Variants in LAMA2 observed in about 807,000 individuals in gnomAD.
The protein encoded by LAMA2 is laminin subunit alpha 2.
A neutral mutation model predicts 364.8 loss-of-function variants in LAMA2; 269 were observed. The observed-to-expected ratio is 0.74, with a 90% CI of 0.67 to 0.82. LAMA2 has a LOEUF of 0.82. Among genes scored for constraint, LAMA2 ranks in the 40% least tolerant of loss-of-function variants. LAMA2 has a pLI of 0.00. For synonymous variants in LAMA2, 1,379 were observed against 1,370.6 expected, an observed-to-expected ratio of 1.01 and a Z score of -0.14; for missense variants, 3,807 against 3,873.2, an observed-to-expected ratio of 0.98 and a Z score of 0.45.
intron 1 of LAMA2, among the ~76,000 whole-genome samples, chr6:128,944,215 A>C (rs1780353821): frequency 6.6e-6 from 1 of 152,188 alleles, no homozygotes; most frequent in African/African-American, 2.4e-5. Flanking sequence ...GGATGCTGAC[A>C]ATGCACAGTT....
chr6:129,193,777 C>T (rs1386755237), intron 12 of LAMA2, among the ~76,000 whole-genome samples: 1 of 151,970 alleles, frequency 6.6e-6, no homozygotes, highest in Non-Finnish European at 1.5e-5. Flanking sequence ...ATTGATTAAG[C>T]AAATAAAAGT....
intron 3 of LAMA2, among the ~76,000 whole-genome samples, chr6:129,073,421 A>G (rs1212735707): frequency 6.6e-6 from 1 of 152,154 alleles, no homozygotes; most frequent in Non-Finnish European, 1.5e-5. Flanking sequence ...TCTTTCACCA[A>G]TTTGGTAAAA....
chr6:129,473,294 G>T lies in LAMA2; in HGVS notation c.7381G>T (p.Asp2461Tyr), dbSNP rs1783906094. The change falls in exon 52 of 65, where the codon GAC (aspartate) becomes TAC (tyrosine). Residue 2461 changes from aspartate (D) to tyrosine (Y), a missense_variant. Coordinates refer to ENST00000421865, the MANE Select transcript of LAMA2 (RefSeq NM_000426.4). Reference protein sequence around the residue: ...TSSSGNNFGLDLKADDKIYFG... With the variant: ...TSSSGNNFGLYLKADDKIYFG... ...GTCTTCTGGAAACAACTTTGGTCTT[G>T]ACTTGAAAGCAGATGACAAAATATA... The T allele has an allele frequency of 1.9e-6, 3 of 1,612,574 alleles. No individual in the cohort carries two copies. The highest frequency in any genetic ancestry group is 2.5e-6 in the Non-Finnish European group (3 of 1,179,030).
intron 4 of LAMA2, among the ~76,000 whole-genome samples, chr6:129,105,206 G>C (rs985090151): frequency 6.6e-6 from 1 of 152,108 alleles, no homozygotes; most frequent in Non-Finnish European, 1.5e-5. Flanking sequence ...CCATTACTTT[G>C]AGGCCAACCA....
chr6:129,219,233 C>T (rs201369484), intron 12 of LAMA2, among the ~76,000 whole-genome samples: 1 of 152,072 alleles, frequency 6.6e-6, no homozygotes, highest in Non-Finnish European at 1.5e-5. Context: ...AAAATGCTCA[C>T]CATCACTGGC....
intron 40 of LAMA2, among the ~76,000 whole-genome samples, chr6:129,423,529 C>T (rs1472098439): frequency 1.3e-5 from 2 of 148,310 alleles, no homozygotes; most frequent in Admixed American, 1.3e-4. Context: ...TCTCTACAAC[C>T]AAAAAAAAAG....
chr6:128,936,914 C>T (rs1562849023), intron 1 of LAMA2, among the ~76,000 whole-genome samples: 1 of 152,062 alleles, frequency 6.6e-6, no homozygotes, highest in African/African-American at 2.4e-5. Flanking sequence ...ATGCCAGGTG[C>T]ATATGATATC....
intron 12 of LAMA2, among the ~76,000 whole-genome samples, chr6:129,228,944 T>C (rs1036025925): frequency 6.6e-6 from 1 of 152,220 alleles, no homozygotes. Flanking sequence ...ATGCTCCTCT[T>C]ATGTATTCAT....
intron 1 of LAMA2, among the ~76,000 whole-genome samples, chr6:129,021,330 A>G (rs1785437779): frequency 6.6e-6 from 1 of 152,206 alleles, no homozygotes; most frequent in Admixed American, 6.5e-5. Flanking sequence ...TTTTCTTTAT[A>G]CAAAAGTTAA....
chr6:129,178,338 C>T (rs1780736418), intron 10 of LAMA2, among the ~76,000 whole-genome samples: 1 of 152,096 alleles, frequency 6.6e-6, no homozygotes, highest in Non-Finnish European at 1.5e-5. Flanking sequence ...TAAAAAAGTA[C>T]AAAGCCCTAA....
intron 1 of LAMA2, among the ~76,000 whole-genome samples, chr6:129,023,376 A>G (rs1363510804): frequency 6.6e-6 from 1 of 152,126 alleles, no homozygotes; most frequent in East Asian, 1.9e-4. Flanking sequence ...TGTAATCCTT[A>G]CATACCAATG....
At chr6:129,326,801 A>C (rs1266772963) in intron 28 of LAMA2, among the ~76,000 whole-genome samples, 1 of 145,542 alleles carries the variant, frequency 6.9e-6, no homozygotes, top group Non-Finnish European at 1.5e-5. Flanking sequence ...TATAATTAAT[A>C]TATATATTCA....
Position 129,503,261 on chromosome 6 carries a change from A to C in LAMA2, c.8528A>C (p.Asn2843Thr). Residue 2843 changes from asparagine (N) to threonine (T), a missense_variant, in exon 60 of 65, where the codon AAT (asparagine) becomes ACT (threonine). Physicochemically the swap from Asn to Thr is moderately conservative, Grantham distance 65. Transcript: ENST00000421865. ...DTHTMIPTKI[N>T]DGQWHKIKIM... ...CACACCATGATCCCCACCAAAATCA[A>C]TGATGGCCAGTGGCACAAGGTAATA... 1 of 1,613,946 alleles carries C rather than the reference A, an allele frequency of 6.2e-7. No homozygotes were observed. The highest frequency in any genetic ancestry group is 8.5e-7 in the Non-Finnish European group (1 of 1,179,982).
intron 1 of LAMA2, among the ~76,000 whole-genome samples, chr6:129,020,521 G>C (rs1785387111): frequency 6.6e-6 from 1 of 152,156 alleles, no homozygotes; most frequent in African/African-American, 2.4e-5. Context: ...TTAGTAGGTG[G>C]TGGCAACAAG....
At chr6:129,226,840 G>A (rs913520205) in intron 12 of LAMA2, among the ~76,000 whole-genome samples, 3 of 152,092 alleles carry the variant, frequency 2.0e-5, no homozygotes, top group African/African-American at 7.2e-5. Context: ...GAGTATCTTT[G>A]TGGCATTCTC....
intron 17 of LAMA2, among the ~76,000 whole-genome samples, chr6:129,272,678 G>T (rs529326177): frequency 1.6e-4 from 24 of 152,220 alleles, no homozygotes; most frequent in African/African-American, 5.8e-4. Flanking sequence ...TAATGCAGGG[G>T]TCCTCAACCA....
At chr6:128,886,217 G>T (rs1270498011) in intron 1 of LAMA2, among the ~76,000 whole-genome samples, 1 of 151,974 alleles carries the variant, frequency 6.6e-6, no homozygotes, top group Non-Finnish European at 1.5e-5. Context: ...AACAAGTTCA[G>T]AAATTTTAAA....
chr6:129,278,454 T>A (rs1056853833), intron 17 of LAMA2, among the ~76,000 whole-genome samples: 4 of 152,214 alleles, frequency 2.6e-5, no homozygotes, highest in African/African-American at 4.8e-5. Context: ...GTTCTCACTT[T>A]TATGTCTGAA....
At chr6:129,013,184 C>G (rs936034241) in intron 1 of LAMA2, among the ~76,000 whole-genome samples, 1 of 152,138 alleles carries the variant, frequency 6.6e-6, no homozygotes, top group Non-Finnish European at 1.5e-5. Flanking sequence ...GCCTGTAATC[C>G]CAGCACTTTG....
Sources: allele counts gnomAD v4.1 joint callset (sites outside exome capture counted in the v4.1 genomes callset), GRCh38; gene constraint gnomAD v4.1.1; transcripts MANE v1.5; gene names NCBI Gene and HGNC (gene_info 2026-07-23, HGNC 2026-07-21).